Variants in RFX8 observed in about 807,000 individuals in gnomAD.
RFX8 encodes the protein DNA-binding protein RFX8.
A neutral mutation model predicts 54.6 loss-of-function variants in RFX8; 46 were observed. The observed-to-expected ratio is 0.84, with a 90% confidence interval of 0.67 to 1.08. The LOEUF (loss-of-function observed/expected upper bound fraction) is 1.08. RFX8 is among the 50% of genes least tolerant of loss of function. The pLI, the probability that RFX8 is intolerant of heterozygous loss-of-function variation, is 0.00. For missense variants in RFX8, 536 were observed against 562.3 expected, an observed-to-expected ratio of 0.95 and a Z score of 0.47; for synonymous variants, 192 against 209.5, an observed-to-expected ratio of 0.92 and a Z score of 0.72.
At chr2:101,404,749 A>G (rs1685634413) in intron 10 of RFX8, among the ~76,000 whole-genome samples, 1 of 152,066 alleles carries the variant, frequency 6.6e-6, no homozygotes, top group Admixed American at 6.5e-5. Context: ...TCTTCCCATG[A>G]TGCATGTGAA....
intron 2 of RFX8, among the ~76,000 whole-genome samples, chr2:101,451,095 G>C (rs1275868620): frequency 6.6e-6 from 1 of 151,964 alleles, no homozygotes. Context: ...CAGGAGGGAA[G>C]CCAAGAGCCT....
At chr2:101,399,477 A>G (rs1685307483) in intron 11 of RFX8, among the ~76,000 whole-genome samples, 1 of 152,150 alleles carries the variant, frequency 6.6e-6, no homozygotes, top group Non-Finnish European at 1.5e-5. Context: ...CTGTAGTTCA[A>G]TTAAGTATGT....
chr2:101,397,556 T>C lies in RFX8; in HGVS notation c.1414A>G (p.Asn472Asp). The C allele has an allele frequency of 1.9e-6, 3 of 1,540,150 alleles. No homozygotes were observed. The highest frequency in any genetic ancestry group is 2.6e-6 in the Non-Finnish European group (3 of 1,140,008). Residue 472 changes from asparagine to aspartate, a missense_variant, in exon 12 of 12, where the codon AAT becomes GAT. Asn to Asp is a conservative substitution (Grantham distance 23, BLOSUM62 1). Transcript: ENST00000428343. Reference sequence around the variant, plus strand: ...TATTCAAATAAATAATCTCACACATTAGCATTGTTTTCTCTGAAATAAATA... The same window carrying C: ...TATTCAAATAAATAATCTCACACATCAGCATTGTTTTCTCTGAAATAAATA... ...EDIYFRENNA[N>D]V is the part of the protein sequence containing the mutation.
chr2:101,418,841 G>C lies in RFX8; in HGVS notation c.351+10C>G, dbSNP rs186364116. 4.0e-6 allele frequency: 6 copies of C among 1,516,428 alleles called. No individual in the cohort carries two copies. The highest frequency in any genetic ancestry group is 5.4e-6 in the Non-Finnish European group (6 of 1,114,788). 93.9% of individuals were successfully genotyped at this position (1,516,428 alleles called of 1,614,324 possible). On this transcript the variant is annotated intron_variant, in intron 5 of 11. Coordinates refer to ENST00000428343, the MANE Select transcript of RFX8 (RefSeq NM_001145664.2). ...AAGGATATACTCTAGAGACTCACGC[G>C]TCCTCCTACCTTGTACAGCTGGACG...
intron 2 of RFX8, among the ~76,000 whole-genome samples, chr2:101,428,544 G>A (rs371121983): frequency 6.6e-6 from 1 of 152,168 alleles, no homozygotes; most frequent in South Asian, 2.1e-4. Context: ...CAGTATCCAA[G>A]TACTATCATA....
Position 101,474,939 on chromosome 2 carries a change from A to G in RFX8, c.-356T>C, listed in dbSNP as rs1411671149. Reference sequence around the variant, plus strand: ...AGGCGGGCGCATCTGGACTTCTAGGAGGCTGGTCCCAGGTGACTCCAGTGT... The same window carrying G: ...AGGCGGGCGCATCTGGACTTCTAGGGGGCTGGTCCCAGGTGACTCCAGTGT... On this transcript the variant is annotated 5_prime_UTR_variant, in exon 1 of 12. Coordinates refer to ENST00000428343, the MANE Select transcript of RFX8 (RefSeq NM_001145664.2). Among the ~76,000 whole-genome samples the G allele has an allele frequency of 6.6e-6, 1 of 152,122 alleles. No homozygotes were observed. The highest frequency in any genetic ancestry group is 1.5e-5 in the Non-Finnish European group (1 of 68,024).
intron 5 of RFX8, among the ~76,000 whole-genome samples, chr2:101,417,940 G>A (rs778926614): frequency 1.4e-4 from 21 of 152,114 alleles, no homozygotes; most frequent in African/African-American, 3.9e-4. Flanking sequence ...ACCCAGGCTG[G>A]AGTGCAGTGG....
intron 2 of RFX8, among the ~76,000 whole-genome samples, chr2:101,466,401 G>T (rs1228860896): frequency 6.6e-6 from 1 of 151,816 alleles, no homozygotes; most frequent in Non-Finnish European, 1.5e-5. Flanking sequence ...AACATCAGTT[G>T]TCTGACATCA....
At chr2:101,455,297 G>C (rs995115510) in intron 2 of RFX8, among the ~76,000 whole-genome samples, 1 of 152,204 alleles carries the variant, frequency 6.6e-6, no homozygotes, top group Admixed American at 6.5e-5. Flanking sequence ...ACAGGTGTGA[G>C]CCACCATGCC....
At chr2:101,469,363 A>G (rs1025580345) in intron 1 of RFX8, among the ~76,000 whole-genome samples, 3 of 151,738 alleles carry the variant, frequency 2.0e-5, no homozygotes, top group Admixed American at 6.6e-5. Flanking sequence ...ATGTTGCCCA[A>G]GCTAGTGCTG....
intron 2 of RFX8, among the ~76,000 whole-genome samples, chr2:101,431,229 T>C (rs1353545265): frequency 1.3e-5 from 2 of 152,216 alleles, no homozygotes; most frequent in Non-Finnish European, 2.9e-5. Context: ...TGGATATAGC[T>C]GTGATCCAGG....
rs149839409 is a variant in RFX8 at position 101,426,175 on chromosome 2, T to C, written c.73-3703A>G. On this transcript the variant is annotated intron_variant, in intron 2 of 11. Coordinates refer to ENST00000428343, the MANE Select transcript of RFX8 (RefSeq NM_001145664.2). Reference sequence around the variant, plus strand: ...ATCCAGAAAATATATACATCTATTATATATCAGTCTTTAAAAATCCACCAA... The same window carrying C: ...ATCCAGAAAATATATACATCTATTACATATCAGTCTTTAAAAATCCACCAA... 9.9e-4 allele frequency among the ~76,000 whole-genome samples: 151 copies of C among 152,304 alleles called. 2 individuals are homozygous for C. The East Asian group carries it at 0.025, about 25-fold the overall frequency.
intron 2 of RFX8, among the ~76,000 whole-genome samples, chr2:101,464,660 C>T (rs1400167656): frequency 6.6e-6 from 1 of 152,100 alleles, no homozygotes; most frequent in African/African-American, 2.4e-5. Flanking sequence ...CCAATGAGAG[C>T]TGAAAGTTAG....
Position 101,412,982 on chromosome 2 carries a change from A to C in RFX8, c.651T>G (p.Thr217=). 1 of 1,551,964 alleles carries C rather than the reference A, an allele frequency of 6.4e-7. No homozygotes were observed. Among genetic ancestry groups the C allele is most frequent in the Non-Finnish European group, 8.7e-7 (1 of 1,147,040 alleles). ...QAIINQGTLA[T]SKKALASDRS... is the part of the protein sequence containing the mutation. ...GGTCACTTGCCAGGGCTTTCTTAGA[A>C]GTAGCCAAAGTGCCTTGATTGATGA... The change falls in exon 8 of 12, where the codon ACT becomes ACG. Residue 217 remains threonine, a synonymous_variant. Coordinates refer to ENST00000428343, the MANE Select transcript of RFX8 (RefSeq NM_001145664.2).
intron 2 of RFX8, chr2:101,435,199 A>C (rs1687710217): frequency 6.6e-6 from 1 of 152,392 alleles, no homozygotes; most frequent in Non-Finnish European, 1.5e-5. Flanking sequence ...GGCTGGCAAA[A>C]GAACAAAGGC....
At chr2:101,404,420 A>G (rs1434787749) in intron 10 of RFX8, among the ~76,000 whole-genome samples, 1 of 152,122 alleles carries the variant, frequency 6.6e-6, no homozygotes, top group Non-Finnish European at 1.5e-5. Flanking sequence ...AAAAGTAACA[A>G]CTACAGACTA....
At chr2:101,468,744 T>TG (rs1051619693) in intron 1 of RFX8, among the ~76,000 whole-genome samples, 40 of 151,528 alleles carry the variant, frequency 2.6e-4, no homozygotes, top group Non-Finnish European at 4.7e-4. Context: ...GAGTTTTTTT[T>TG]GGGGGGATGC....
intron 2 of RFX8, among the ~76,000 whole-genome samples, chr2:101,424,825 T>C (rs1287904798): frequency 1.3e-5 from 2 of 151,946 alleles, no homozygotes; most frequent in Admixed American, 6.6e-5. Flanking sequence ...ATGAGAACAC[T>C]TGGACACAGG....
rs193105333 is a variant in RFX8, at chr2:101,451,135, G to T, written c.72+15642C>A. On this transcript the variant is annotated intron_variant, in intron 2 of 11. Coordinates refer to ENST00000428343, the MANE Select transcript of RFX8 (RefSeq NM_001145664.2). ...TGCAGCCCACACCTTCCTCCGCTAA[G>T]CCCAGGGGACTATAGCAGCTTGTCC... Among the ~76,000 whole-genome samples the T allele has an allele frequency of 1.5e-4, 23 of 152,254 alleles. No homozygotes were observed. In the East Asian group the frequency reaches 4.2e-3, roughly 28 times the overall value.
Sources: gnomAD v4.1 joint callset for allele counts (sites outside exome capture counted in the v4.1 genomes callset) on GRCh38, gnomAD v4.1.1 for gene constraint, MANE v1.5 for transcripts, NCBI Gene and HGNC (gene_info 2026-07-23, HGNC 2026-07-21) for gene names.